Variants in SPRED2 observed in about 807,000 individuals in gnomAD.
SPRED2 encodes the protein sprouty-related, EVH1 domain-containing protein 2.
Under a neutral mutation model 43.0 loss-of-function variants are expected in SPRED2, and 47 were observed. The ratio of observed to expected loss-of-function variants is 1.09; its 90% CI spans 0.87 to 1.40. The LOEUF (loss-of-function observed/expected upper bound fraction) is 1.40. SPRED2 is among the 40% of genes most tolerant of loss of function. SPRED2 has a pLI of 0.00. For missense variants in SPRED2, 561 were observed against 586.4 expected, an observed-to-expected ratio of 0.96 and a Z score of 0.45; for synonymous variants, 225 against 225.7, an observed-to-expected ratio of 1.00 and a Z score of 0.03.
intron 2 of SPRED2, among the ~76,000 whole-genome samples, chr2:65,335,858 C>T (rs933724417): frequency 2.0e-5 from 3 of 152,176 alleles, no homozygotes; most frequent in African/African-American, 7.2e-5. Context: ...AATATTTATT[C>T]CTATGGCTTC....
chr2:65,422,809 TCA>T (rs1222648166), intron 1 of SPRED2, among the ~76,000 whole-genome samples: 7 of 152,274 alleles, frequency 4.6e-5, no homozygotes, highest in African/African-American at 1.7e-4. Context: ...TGAAGTGTGC[TCA>T]CACACAGATC....
At chr2:65,326,645 TAAC>T (rs1673628253) in intron 4 of SPRED2, among the ~76,000 whole-genome samples, 1 of 152,024 alleles carries the variant, frequency 6.6e-6, no homozygotes, top group Non-Finnish European at 1.5e-5. Context: ...ATTGTGAAAT[TAAC>T]AACAACAAAA....
At chr2:65,307,650 C>T (rs1363821699), downstream of SPRED2, among the ~76,000 whole-genome samples, 1 of 151,906 alleles carries the variant, frequency 6.6e-6, no homozygotes, top group Non-Finnish European at 1.5e-5. Context: ...TATATGCTTT[C>T]CCTGACCCCA....
downstream of SPRED2, chr2:65,308,712 A>T: frequency 2.6e-6 from 1 of 377,434 alleles, no homozygotes; most frequent in Non-Finnish European, 3.7e-6. Flanking sequence ...ATCTGAGAAA[A>T]CTCAGAAAGG....
chr2:65,366,202 T>TA (rs1674969823), intron 1 of SPRED2, among the ~76,000 whole-genome samples: 1 of 151,644 alleles, frequency 6.6e-6, no homozygotes, highest in African/African-American at 2.4e-5. Context: ...CACCTCTGCT[T>TA]ATTCATTTGT....
chr2:65,332,811 T>A (rs138390328), intron 3 of SPRED2, among the ~76,000 whole-genome samples: 1 of 152,302 alleles, frequency 6.6e-6, no homozygotes, highest in East Asian at 1.9e-4. Flanking sequence ...ACTGCCCTAC[T>A]TCCCCCCACC....
chr2:65,420,083 G>A (rs947509766), intron 1 of SPRED2, among the ~76,000 whole-genome samples: 1 of 151,860 alleles, frequency 6.6e-6, no homozygotes, highest in Non-Finnish European at 1.5e-5. Flanking sequence ...GGTGGCGCTT[G>A]CCTGTAGACC....
chr2:65,365,656 GGACA>G (rs768526183), intron 1 of SPRED2, among the ~76,000 whole-genome samples: 2 of 152,116 alleles, frequency 1.3e-5, no homozygotes, highest in African/African-American at 2.4e-5. Flanking sequence ...TAGCCATTCT[GGACA>G]GACAGACCAG....
chr2:65,322,270 C>CTCTCTA (rs1468134315), intron 4 of SPRED2, among the ~76,000 whole-genome samples: 9 of 36,462 alleles, frequency 2.5e-4, no homozygotes, highest in African/African-American at 6.0e-4. Context: ...CTCTCTCTCT[C>CTCTCTA]TATATATATA....
chr2:65,351,373 TC>T (rs1475140823), intron 1 of SPRED2, among the ~76,000 whole-genome samples: 2 of 152,040 alleles, frequency 1.3e-5, no homozygotes, highest in South Asian at 2.1e-4. Flanking sequence ...GACTTTTACC[TC>T]CCCCATAAAT....
chr2:65,340,056 C>G (rs1394497766), intron 2 of SPRED2, among the ~76,000 whole-genome samples: 1 of 152,176 alleles, frequency 6.6e-6, no homozygotes, highest in African/African-American at 2.4e-5. Flanking sequence ...CCATGCCACT[C>G]TTCTCATAAT....
At chr2:65,347,360 G>C (rs1674382344) in intron 1 of SPRED2, among the ~76,000 whole-genome samples, 1 of 152,094 alleles carries the variant, frequency 6.6e-6, no homozygotes, top group African/African-American at 2.4e-5. Context: ...CATAGGACTA[G>C]TTTTAAAGCC....
chr2:65,309,540 G>A (rs1468971779), downstream of SPRED2, among the ~76,000 whole-genome samples: 1 of 151,484 alleles, frequency 6.6e-6, no homozygotes, highest in Non-Finnish European at 1.5e-5. Context: ...ATATAAGAGG[G>A]AGGATGTGGG....
chr2:65,367,046 C>T (rs1303227349), intron 1 of SPRED2, among the ~76,000 whole-genome samples: 1 of 152,224 alleles, frequency 6.6e-6, no homozygotes, highest in East Asian at 1.9e-4. Flanking sequence ...CCCCCAGCCC[C>T]AAACCAAAGA....
rs34672484 is a variant in SPRED2, at chr2:65,399,383, C to CTT, written c.26+32577_26+32578dup. Among the ~76,000 whole-genome samples, 1,184 of 125,346 alleles carry CTT rather than the reference C, an allele frequency of 9.4e-3. 26 individuals are homozygous for CTT. The highest frequency in any genetic ancestry group is 0.03 in the African/African-American group (1,028 of 34,210). 82.2% of individuals were successfully genotyped at this position (125,346 alleles called of 152,430 possible). On this transcript the variant is annotated intron_variant, in intron 1 of 5. Transcript: ENST00000356388. ...CTGGATAGAACTGGAAACTATTATT[C>CTT]TTTTTTTTTTTTTTTTTTTGAGAGG... is the stretch of plus-strand genomic sequence containing the variant.
chr2:65,336,476 T>TAACTTTATTACATTGTATTGAGATCGGAC (rs1477745435), intron 2 of SPRED2, among the ~76,000 whole-genome samples: 1 of 152,198 alleles, frequency 6.6e-6, no homozygotes, highest in Non-Finnish European at 1.5e-5. Flanking sequence ...CCCAAGCAGT[T>TAACTTTATTACATTGTATTGAGATCGGAC]AACTTTATTA....
chr2:65,425,679 G>A lies in SPRED2; in HGVS notation c.26+6283C>T, dbSNP rs143600598. Among the ~76,000 whole-genome samples, 694 of 152,284 alleles carry A rather than the reference G, an allele frequency of 4.6e-3. 5 individuals are homozygous for A. Among genetic ancestry groups the A allele is most frequent in the Middle Eastern group, 0.027 (8 of 294 alleles). ...ATATATTTTGTTCCACGGGGCACTG[G>A]AGCATCAATACAAAATATTTCTTCT... is the stretch of plus-strand genomic sequence containing the variant. On this transcript the variant is annotated intron_variant, in intron 1 of 5. Transcript: ENST00000356388.
At chr2:65,329,135 C>G (rs373535095) in intron 4 of SPRED2, among the ~76,000 whole-genome samples, 169 of 152,296 alleles carry the variant, frequency 1.1e-3, no homozygotes, top group African/African-American at 4.0e-3. Context: ...GACACAACTG[C>G]GCTGAGTTCC....
intron 2 of SPRED2, among the ~76,000 whole-genome samples, chr2:65,343,308 T>A (rs1453394494): frequency 6.6e-6 from 1 of 152,242 alleles, no homozygotes; most frequent in Non-Finnish European, 1.5e-5. Context: ...CCTGAACAAA[T>A]ACTTCTTAAA....
Sources: gnomAD v4.1 joint callset for allele counts (sites outside exome capture counted in the v4.1 genomes callset) on GRCh38, gnomAD v4.1.1 for gene constraint, MANE v1.5 for transcripts, NCBI Gene and HGNC (gene_info 2026-07-23, HGNC 2026-07-21) for gene names.